The following CDK14 variants were observed in gnomAD, a reference collection of about 807,000 sequenced individuals.
The protein encoded by CDK14 is cyclin-dependent kinase 14.
In CDK14, 34 loss-of-function variants were observed where a neutral mutation model predicts 60.7. The observed-to-expected ratio is 0.56, with a 90% CI of 0.43 to 0.75. CDK14 has a LOEUF of 0.75. CDK14 is among the 30% of genes least tolerant of loss of function. The probability of loss-of-function intolerance (pLI) is 0.00; values close to 1 mark genes in which losing one functional copy is unlikely to be tolerated. For synonymous variants in CDK14, 197 were observed against 203.7 expected, an observed-to-expected ratio of 0.97 and a Z score of 0.28; for missense variants, 482 against 564.1, an observed-to-expected ratio of 0.85 and a Z score of 1.47.
chr7:90,940,834 G>A lies in CDK14; in HGVS notation c.827-14863G>A, dbSNP rs140920107. On this transcript the variant is annotated intron_variant, in intron 8 of 14. Transcript: ENST00000380050. ...CTATATCTGTATTTATATCAATATA[G>A]ATATATGTATTTATATAAATCTATC... Among the ~76,000 whole-genome samples the A allele has an allele frequency of 3.3e-5, 5 of 151,808 alleles. No individual in the cohort carries two copies. In the East Asian group the frequency reaches 9.7e-4, roughly 29 times the overall value.
intron 5 of CDK14, among the ~76,000 whole-genome samples, chr7:90,821,103 A>G (rs1412251636): frequency 1.3e-5 from 2 of 152,052 alleles, no homozygotes; most frequent in Non-Finnish European, 2.9e-5. Context: ...GGCCCTTCTG[A>G]TTATATGTCC....
intron 14 of CDK14, among the ~76,000 whole-genome samples, chr7:91,200,448 C>T (rs1802678713): frequency 6.6e-6 from 1 of 152,162 alleles, no homozygotes; most frequent in African/African-American, 2.4e-5. Flanking sequence ...TTAAGCAAAA[C>T]CAAACTCAAA....
intron 11 of CDK14, among the ~76,000 whole-genome samples, chr7:91,061,735 G>A (rs1412300701): frequency 2.6e-5 from 4 of 152,210 alleles, no homozygotes; most frequent in Non-Finnish European, 5.9e-5. Context: ...AATAGCAAAT[G>A]TTGCTGCCTG....
rs141839306 is a variant in CDK14 at position 90,806,829 on chromosome 7, C to A, written c.544+16177C>A. Among the ~76,000 whole-genome samples the A allele has an allele frequency of 1.7e-4, 26 of 152,338 alleles. No individual in the cohort carries two copies. The East Asian group carries it at 1.7e-3, about 10-fold the overall frequency. On this transcript the variant is annotated intron_variant, in intron 5 of 14. Transcript: ENST00000380050. ...TACACCAGGAGATTATATCCCGTGC[C>A]TGGCTCTGAGGGTCCTACACCCGCG...
chr7:90,675,090 ATT>A (rs927494987), intron 2 of CDK14, among the ~76,000 whole-genome samples: 28 of 152,314 alleles, frequency 1.8e-4, no homozygotes, highest in African/African-American at 6.7e-4. Context: ...CCTGGATCTC[ATT>A]AGTGCTGAGA....
At position 90,860,998 on chromosome 7, in the gene CDK14, GT is replaced by G. The variant is rs942918409; in HGVS notation, c.545-2173del. 2.6e-5 allele frequency among the ~76,000 whole-genome samples: 4 copies of G among 152,246 alleles called. No homozygotes were observed. In the South Asian group the frequency reaches 8.3e-4, roughly 32 times the overall value. Reference sequence around the variant, plus strand: ...CCCAGAGGCCCTGTGTGGAAACTGAGTTTTATCAGCCAGAGGTTTGGGCGTA... The same window carrying G: ...CCCAGAGGCCCTGTGTGGAAACTGAGTTTATCAGCCAGAGGTTTGGGCGTA... On this transcript the variant is annotated intron_variant, in intron 5 of 14. Coordinates refer to ENST00000380050, the MANE Select transcript of CDK14 (RefSeq NM_001287135.2).
rs147601499 is a variant in CDK14 at position 90,758,272 on chromosome 7, GTC to G, written c.464+10515_464+10516del. 1.8e-3 allele frequency among the ~76,000 whole-genome samples: 264 copies of G among 148,736 alleles called. 1 individual carries two copies. The highest frequency in any genetic ancestry group is 2.0e-3 in the Non-Finnish European group (134 of 66,794). ...TGTCTTTGTCTTTCACTGTCTCTTT[GTC>G]TCTCTCTCTCTCTCTCTGTTTTTAT... On this transcript the variant is annotated intron_variant, in intron 4 of 14. Coordinates refer to ENST00000380050, the MANE Select transcript of CDK14 (RefSeq NM_001287135.2).
intron 11 of CDK14, among the ~76,000 whole-genome samples, chr7:91,066,947 T>C (rs1385680827): frequency 2.6e-5 from 4 of 152,210 alleles, no homozygotes; most frequent in African/African-American, 7.2e-5. Flanking sequence ...ACTTCTCAGT[T>C]ATGCTGTGAG....
At chr7:91,173,288 G>T (rs1176246945) in intron 14 of CDK14, among the ~76,000 whole-genome samples, 1 of 152,144 alleles carries the variant, frequency 6.6e-6, no homozygotes, top group African/African-American at 2.4e-5. Context: ...TCATTAAGAG[G>T]TACATTCCCA....
intron 14 of CDK14, among the ~76,000 whole-genome samples, chr7:91,139,433 G>C (rs997149754): frequency 2.0e-5 from 3 of 152,090 alleles, no homozygotes; most frequent in Non-Finnish European, 2.9e-5. Flanking sequence ...CTAGTGAGTT[G>C]TGGCCAAAAC....
At chr7:90,700,999 T>C (rs1281943499) in intron 2 of CDK14, among the ~76,000 whole-genome samples, 1 of 152,238 alleles carries the variant, frequency 6.6e-6, no homozygotes, top group Non-Finnish European at 1.5e-5. Context: ...GTAGTTTACT[T>C]TACAATGTCT....
At chr7:91,083,415 A>T (rs574318324) in intron 12 of CDK14, among the ~76,000 whole-genome samples, 44 of 152,188 alleles carry the variant, frequency 2.9e-4, no homozygotes, top group African/African-American at 1.0e-3. Context: ...CACATGCCAT[A>T]CCCTTGAAAA....
intron 4 of CDK14, among the ~76,000 whole-genome samples, chr7:90,769,474 C>CTT (rs35889990): frequency 2.0e-5 from 3 of 148,302 alleles, no homozygotes; most frequent in African/African-American, 7.4e-5. Context: ...TCTTTTCTTT[C>CTT]TTTTTTTTTT....
At position 90,900,213 on chromosome 7, in the gene CDK14, T is replaced by C. The variant is rs1388220873; in HGVS notation, c.702+860T>C. 3.2e-5 allele frequency among the ~76,000 whole-genome samples: 4 copies of C among 123,790 alleles called. No individual in the cohort carries two copies. The East Asian group carries it at 1.4e-3, about 43-fold the overall frequency. 81.2% of individuals were successfully genotyped at this position (123,790 alleles called of 152,430 possible). ...AGGCTTTTGTAGTGGTCAGTTACAC[T>C]GTATAATTTTAAAATGTAGGAACTT... On this transcript the variant is annotated intron_variant, in intron 7 of 14. Transcript: ENST00000380050.
At chr7:90,875,386 T>C (rs1350718357) in intron 6 of CDK14, among the ~76,000 whole-genome samples, 1 of 152,246 alleles carries the variant, frequency 6.6e-6, no homozygotes, top group Non-Finnish European at 1.5e-5. Flanking sequence ...GTGGTATTGC[T>C]GATCATCTTA....
At position 91,161,627 on chromosome 7, in the gene CDK14, A is replaced by G. The variant is rs562746147; in HGVS notation, c.*28+43419A>G. ...AAGTCATCAATCTCTTCATTATTTTAGTTACATTCCCTTTTTAACAAATCC... is the reference window on the plus strand; with the variant it reads ...AAGTCATCAATCTCTTCATTATTTTGGTTACATTCCCTTTTTAACAAATCC... On this transcript the variant is annotated intron_variant, in intron 14 of 14. Transcript: ENST00000380050. 1.7e-4 allele frequency among the ~76,000 whole-genome samples: 26 copies of G among 152,364 alleles called. No individual in the cohort carries two copies. The Middle Eastern group carries it at 0.01, about 60-fold the overall frequency.
intron 14 of CDK14, among the ~76,000 whole-genome samples, chr7:91,127,554 A>T (rs988769959): frequency 4.6e-5 from 7 of 152,168 alleles, no homozygotes; most frequent in African/African-American, 7.2e-5. Flanking sequence ...AGTCTCATTG[A>T]TAGAAGAGAC....
At chr7:90,710,041 C>A in intron 2 of CDK14, 1 of 896,380 alleles carries the variant, frequency 1.1e-6, no homozygotes, top group African/African-American at 1.8e-5. Context: ...CACTCATTTA[C>A]AACTTAAAAA....
intron 10 of CDK14, among the ~76,000 whole-genome samples, chr7:90,994,976 G>C (rs1795639868): frequency 6.6e-6 from 1 of 152,190 alleles, no homozygotes; most frequent in Non-Finnish European, 1.5e-5. Flanking sequence ...TGATTTCTCA[G>C]AACATTACAT....
Sources: gnomAD v4.1 joint callset for allele counts (sites outside exome capture counted in the v4.1 genomes callset) on GRCh38, gnomAD v4.1.1 for gene constraint, MANE v1.5 for transcripts, NCBI Gene and HGNC (gene_info 2026-07-23, HGNC 2026-07-21) for gene names.